The following AAK1 variants were observed in gnomAD, a reference collection of about 807,000 sequenced individuals.
The protein encoded by AAK1 is AP2 associated kinase 1, also known as AP2-associated protein kinase 1.
Under a neutral mutation model 116.0 loss-of-function variants are expected in AAK1, and 37 were observed. The observed-to-expected ratio is 0.32, with a 90% CI of 0.25 to 0.42. AAK1 has a LOEUF of 0.42. AAK1 is among the 10% of genes least tolerant of loss of function. AAK1 has a pLI of 1.00. For missense variants in AAK1, 919 were observed against 1,170.6 expected, an observed-to-expected ratio of 0.79 and a Z score of 3.14; for synonymous variants, 458 against 439.9, an observed-to-expected ratio of 1.04 and a Z score of -0.51.
chr2:69,495,422 G>A lies in AAK1; in HGVS notation c.2365+563C>T, dbSNP rs551715966. ...ACACACTTCACTGATGAAGAACCAAGCCCAGAAGGTTTTCAGGTAGCGGCA... is the reference window on the plus strand; with the variant it reads ...ACACACTTCACTGATGAAGAACCAAACCCAGAAGGTTTTCAGGTAGCGGCA... On this transcript the variant is annotated intron_variant, in intron 17 of 21. Transcript: ENST00000409085. 4.6e-5 allele frequency among the ~76,000 whole-genome samples: 7 copies of A among 152,272 alleles called. No homozygotes were observed. The South Asian group carries it at 1.0e-3, about 23-fold the overall frequency.
intron 15 of AAK1, among the ~76,000 whole-genome samples, chr2:69,506,660 G>A (rs1676196956): frequency 6.6e-6 from 1 of 152,114 alleles, no homozygotes; most frequent in African/African-American, 2.4e-5. Flanking sequence ...CACCACACCT[G>A]GATTGGAGTT....
At chr2:69,557,912 G>A (rs1458577513) in intron 2 of AAK1, among the ~76,000 whole-genome samples, 1 of 152,150 alleles carries the variant, frequency 6.6e-6, no homozygotes, top group Non-Finnish European at 1.5e-5. Context: ...TACCTCCTGG[G>A]CTGTTGAGAA....
In AAK1 at chr2:69,514,648, C is replaced by G. The variant is rs1263928487; in HGVS notation, c.1599G>C (p.Gln533His). 1 of 1,611,536 alleles carries G rather than the reference C, an allele frequency of 6.2e-7. No individual in the cohort carries two copies. The highest frequency in any genetic ancestry group is 8.5e-7 in the Non-Finnish European group (1 of 1,178,996). The change falls in exon 13 of 22, where the codon CAG becomes CAC. Residue 533 changes from glutamine to histidine, a missense_variant. Transcript: ENST00000409085. ...GTTGTTGTTGCTGCTGCTGCTGCTG[C>G]TGGTAGAAATTCTGCATTAGCTGCT... ...SQQQLMQNFYQQQQQQQQQQQ... is the reference protein window; with the variant it reads ...SQQQLMQNFYHQQQQQQQQQQ...
chr2:69,575,571 C>T (rs1448042253), intron 2 of AAK1, among the ~76,000 whole-genome samples: 8 of 150,024 alleles, frequency 5.3e-5, no homozygotes, highest in Middle Eastern at 3.2e-3. Context: ...CTGGTTCAGG[C>T]GATTCTCCTG....
rs1287382981 is a variant in AAK1, at chr2:69,465,523, C to T, written c.*10346G>A. ...CTGGAGGAAAGGGATGTGATAGAAA[C>T]AGACCCAGCTATCGACTGCTTGTTG... On this transcript the variant is annotated 3_prime_UTR_variant, in exon 22 of 22. Coordinates refer to ENST00000409085, the MANE Select transcript of AAK1 (RefSeq NM_014911.5). 1 of 1,290,968 alleles carries T rather than the reference C, an allele frequency of 7.7e-7. No individual in the cohort carries two copies. Among genetic ancestry groups the T allele is most frequent in the Non-Finnish European group, 1.0e-6 (1 of 988,884 alleles). 80.0% of individuals were successfully genotyped at this position (1,290,968 alleles called of 1,614,324 possible).
chr2:69,564,149 G>A lies in AAK1; in HGVS notation c.164-7171C>T, dbSNP rs187517534. ...GGAGGTTTCAGTGAGCCGAGATCAC[G>A]CCACTGCACTCCAGCCTGAGTGACA... On this transcript the variant is annotated intron_variant, in intron 2 of 21. Coordinates refer to ENST00000409085, the MANE Select transcript of AAK1 (RefSeq NM_014911.5). 1.3e-4 allele frequency among the ~76,000 whole-genome samples: 19 copies of A among 151,556 alleles called. No homozygotes were observed. In the East Asian group the frequency reaches 3.3e-3, roughly 26 times the overall value.
intron 2 of AAK1, among the ~76,000 whole-genome samples, chr2:69,618,669 C>T (rs1298628465): frequency 6.6e-6 from 1 of 151,866 alleles, no homozygotes; most frequent in African/African-American, 2.4e-5. Context: ...CTAACATTCA[C>T]GGATGCCTGT....
At chr2:69,574,950 T>C (rs903226263) in intron 2 of AAK1, among the ~76,000 whole-genome samples, 36 of 150,872 alleles carry the variant, frequency 2.4e-4, no homozygotes, top group Admixed American at 1.1e-3. Context: ...ATTGTGCCAC[T>C]GCACTCCAGC....
chr2:69,580,994 T>C (rs1224645117), intron 2 of AAK1, among the ~76,000 whole-genome samples: 1 of 147,622 alleles, frequency 6.8e-6, no homozygotes, highest in African/African-American at 2.6e-5. Flanking sequence ...ATAAAAATGA[T>C]CTTTTTTTTT....
rs78107567 is a variant in AAK1, at chr2:69,498,481, G to A, written c.2270-2401C>T. Among the ~76,000 whole-genome samples the A allele has an allele frequency of 7.3e-3, 1,109 of 152,086 alleles. 14 individuals are homozygous for A. Among genetic ancestry groups the A allele is most frequent in the African/African-American group, 0.025 (1,052 of 41,460 alleles). On this transcript the variant is annotated intron_variant, in intron 16 of 21. Transcript: ENST00000409085. ...CACCCACCTCTATTCCACATTTCTC[G>A]TAGTCAGTGGCTGACCGGGCCTCTT...
chr2:69,643,635 G>A lies in AAK1; in HGVS notation c.-295C>T. On this transcript the variant is annotated 5_prime_UTR_variant, in exon 1 of 22. Transcript: ENST00000409085. ...CCCCGCGACATTGTCACGGCCGCCG[G>A]GCCGGCCTGCGACGCAGAGAAGAGG... is the stretch of plus-strand genomic sequence containing the variant. The A allele has an allele frequency of 2.4e-6, 3 of 1,228,166 alleles. No individual in the cohort carries two copies. In the South Asian group the frequency reaches 1.2e-4, roughly 51 times the overall value. 76.1% of individuals were successfully genotyped at this position (1,228,166 alleles called of 1,614,324 possible). A position where few individuals can be genotyped will look rare whatever the true frequency, so the allele number is the denominator to read the frequency against.
rs574593797 is a variant in AAK1, at chr2:69,465,914, G to A, written c.*9955C>T. The A allele has an allele frequency of 1.4e-5, 18 of 1,290,822 alleles. No individual in the cohort carries two copies. The highest frequency in any genetic ancestry group is 7.6e-5 in the African/African-American group (5 of 65,936). The allele number at this position is 1,290,822 out of a possible 1,614,324, so 80.0% of individuals were successfully genotyped here. On this transcript the variant is annotated 3_prime_UTR_variant, in exon 22 of 22. Coordinates refer to ENST00000409085, the MANE Select transcript of AAK1 (RefSeq NM_014911.5). ...CATCACCTGTCTGACTGAGGAGACC[G>A]GTCTGTGCAGGCAGCTCCTGGGAGG...
Position 69,474,148 on chromosome 2 carries a change from G to C in AAK1, c.*1721C>G. The C allele has an allele frequency of 2.0e-6, 2 of 985,858 alleles. No individual in the cohort carries two copies. The highest frequency in any genetic ancestry group is 2.4e-6 in the Non-Finnish European group (2 of 829,932). 61.1% of individuals were successfully genotyped at this position (985,858 alleles called of 1,614,324 possible). On this transcript the variant is annotated 3_prime_UTR_variant, in exon 22 of 22. Coordinates refer to ENST00000409085, the MANE Select transcript of AAK1 (RefSeq NM_014911.5). Reference sequence around the variant, plus strand: ...TCCTAGGGTCAAACCTTGCCCTCCAGAATGCAGTGTTTTATAGGCTGTTGT... The same window carrying C: ...TCCTAGGGTCAAACCTTGCCCTCCACAATGCAGTGTTTTATAGGCTGTTGT...
intron 13 of AAK1, among the ~76,000 whole-genome samples, chr2:69,513,899 G>A (rs1676485017): frequency 6.6e-6 from 1 of 152,190 alleles, no homozygotes; most frequent in Non-Finnish European, 1.5e-5. Flanking sequence ...AAGTGGACAT[G>A]CCCAATTTCT....
At chr2:69,478,512 G>C (rs1674935646) in intron 20 of AAK1, 1 of 168,170 alleles carries the variant, frequency 5.9e-6, no homozygotes. Context: ...GAGTGCAGTG[G>C]TGCGATCATG....
At chr2:69,542,488 G>A (rs751307814) in intron 5 of AAK1, 35 bp downstream of exon 5, 6 of 1,612,062 alleles carry the variant, frequency 3.7e-6, no homozygotes, top group Non-Finnish European at 5.1e-6. Flanking sequence ...AAAATATTGA[G>A]TAGAATGCCC....
intron 2 of AAK1, among the ~76,000 whole-genome samples, chr2:69,630,626 G>C (rs562145413): frequency 1.9e-4 from 29 of 152,310 alleles, no homozygotes; most frequent in Non-Finnish European, 3.8e-4. Context: ...CTAGATCTTA[G>C]TTAACTTTTC....
At chr2:69,535,393 T>A (rs1029103244) in intron 5 of AAK1, among the ~76,000 whole-genome samples, 1 of 140,376 alleles carries the variant, frequency 7.1e-6, no homozygotes, top group African/African-American at 2.4e-5. Flanking sequence ...ACGTTTCAAC[T>A]CCTACTATAT....
chr2:69,500,692 T>TACACACAC (rs1344927946), intron 16 of AAK1, among the ~76,000 whole-genome samples: 22 of 113,470 alleles, frequency 1.9e-4, no homozygotes, highest in African/African-American at 7.3e-4. Context: ...TATATATATA[T>TACACACAC]ATATATACAC....
Sources: gnomAD v4.1 joint callset for allele counts (sites outside exome capture counted in the v4.1 genomes callset) on GRCh38, gnomAD v4.1.1 for gene constraint, MANE v1.5 for transcripts, NCBI Gene and HGNC (gene_info 2026-07-23, HGNC 2026-07-21) for gene names.